Variants in KIRREL3 observed in about 807,000 individuals in gnomAD.
KIRREL3 encodes the protein kirre like nephrin family adhesion molecule 3.
In KIRREL3, 36 loss-of-function variants were observed where a neutral mutation model predicts 89.7. The ratio of observed to expected loss-of-function variants is 0.40; its 90% CI spans 0.31 to 0.53. The LOEUF (loss-of-function observed/expected upper bound fraction) is 0.53, where lower values mean the gene tolerates loss of function less well. Among genes scored for constraint, KIRREL3 ranks in the 20% least tolerant of loss-of-function variants. The pLI is 0.49. For synonymous variants in KIRREL3, 445 were observed against 441.4 expected, an observed-to-expected ratio of 1.01 and a Z score of -0.10; for missense variants, 864 against 1,056.6, an observed-to-expected ratio of 0.82 and a Z score of 2.53.
intron 1 of KIRREL3, among the ~76,000 whole-genome samples, chr11:126,885,513 G>A (rs1056370024): frequency 7.2e-5 from 11 of 152,250 alleles, no homozygotes; most frequent in Admixed American, 4.6e-4. Flanking sequence ...TTTAATTTTC[G>A]TTTGCATTGT....
At position 126,530,533 on chromosome 11, in the gene KIRREL3, C is replaced by T. The variant is rs765806103; in HGVS notation, c.134-3846G>A. ...CTGTTTCTTCCACACACACACTGAC[C>T]GGACCCTGCTGTGAGGCAGGCACTG... On this transcript the variant is annotated intron_variant, in intron 2 of 16. Coordinates refer to ENST00000525144, the MANE Select transcript of KIRREL3 (RefSeq NM_032531.4). The surrounding 1 kb of genome is among the most constrained non-coding windows in gnomAD (Gnocchi z 5.8). 1.4e-4 allele frequency among the ~76,000 whole-genome samples: 21 copies of T among 152,294 alleles called. No individual in the cohort carries two copies. The highest frequency in any genetic ancestry group is 3.3e-4 in the Admixed American group (5 of 15,304).
Position 126,953,286 on chromosome 11 carries a change from G to T in KIRREL3, c.55+47169C>A, listed in dbSNP as rs186168202. Reference sequence around the variant, plus strand: ...CTCATAAGTGGGTGTCGAACAATGAGAACACATGGACACAGGGAGGGGACA... The same window carrying T: ...CTCATAAGTGGGTGTCGAACAATGATAACACATGGACACAGGGAGGGGACA... On this transcript the variant is annotated intron_variant, in intron 1 of 16. Coordinates refer to ENST00000525144, the MANE Select transcript of KIRREL3 (RefSeq NM_032531.4). This position sits in a 1 kb window ranked among gnomAD's most constrained non-coding sequence, Gnocchi z 5.2. 6.7e-6 allele frequency among the ~76,000 whole-genome samples: 1 copy of T among 149,972 alleles called. No homozygotes were observed. The highest frequency in any genetic ancestry group is 2.5e-5 in the African/African-American group (1 of 40,714).
intron 4 of KIRREL3, among the ~76,000 whole-genome samples, chr11:126,510,010 A>AAAAAAAAAAGAAAAAAGAAAAAAAG (rs1958158656): frequency 6.7e-6 from 1 of 149,654 alleles, no homozygotes; most frequent in African/African-American, 2.5e-5. Context: ...AAAAAAAAAA[A>AAAAAAAAAAGAAAAAAGAAAAAAAG]AAAAAAAAGA....
Position 126,821,351 on chromosome 11 carries a change from A to ATATATATATATATATATATATGTG in KIRREL3, c.55+179103_55+179104insCACATATATATATATATATATATA, listed in dbSNP as rs756545626. Among the ~76,000 whole-genome samples the ATATATATATATATATATATATGTG allele has an allele frequency of 8.6e-4, 90 of 105,188 alleles. 6 individuals are homozygous for ATATATATATATATATATATATGTG. The highest frequency in any genetic ancestry group is 1.5e-3 in the African/African-American group (35 of 23,012). The allele number at this position is 105,188 out of a possible 152,430, so 69.0% of individuals were successfully genotyped here. A position where few individuals can be genotyped will look rare whatever the true frequency, so the allele number is the denominator to read the frequency against. On this transcript the variant is annotated intron_variant, in intron 1 of 16. Transcript: ENST00000525144. Reference sequence around the variant, plus strand: ...ACAGTATATATATATATATATATATATGTAACTTCCAACCAACATCCCTTC... The same window carrying ATATATATATATATATATATATGTG: ...ACAGTATATATATATATATATATATATATATATATATATATATATATGTGTGTAACTTCCAACCAACATCCCTTC...
At chr11:126,880,653 G>A (rs200206133) in intron 1 of KIRREL3, among the ~76,000 whole-genome samples, 1 of 86,600 alleles carries the variant, frequency 1.2e-5, no homozygotes, top group African/African-American at 3.9e-5. Flanking sequence ...TTTTTTTTTT[G>A]ATAGCTCAGC....
rs114474344 is a variant in KIRREL3, at chr11:126,773,305, C to T, written c.56-210393G>A. ...TCAATACAGTGTGGGTCGGCTTTGT[C>T]CCATCAGTTCAGGGCCAGAGTAGAA... On this transcript the variant is annotated intron_variant, in intron 1 of 16. Coordinates refer to ENST00000525144, the MANE Select transcript of KIRREL3 (RefSeq NM_032531.4). The surrounding 1 kb of genome is among the most constrained non-coding windows in gnomAD (Gnocchi z 4.2). Among the ~76,000 whole-genome samples, 143 of 152,220 alleles carry T rather than the reference C, an allele frequency of 9.4e-4. 1 individual carries two copies. Among genetic ancestry groups the T allele is most frequent in the African/African-American group, 3.3e-3 (136 of 41,542 alleles).
chr11:126,496,293 G>A lies in KIRREL3; in HGVS notation c.434-22827C>T, dbSNP rs1957653577. 6.6e-6 allele frequency among the ~76,000 whole-genome samples: 1 copy of A among 152,156 alleles called. No individual in the cohort carries two copies. Among genetic ancestry groups the A allele is most frequent in the African/African-American group, 2.4e-5 (1 of 41,434 alleles). ...TGTTTGCAAAATGCTTTCTATACAC[G>A]TTCATCTTTCTCTTTACCAGAACCC... On this transcript the variant is annotated intron_variant, in intron 4 of 16. Transcript: ENST00000525144. The surrounding 1 kb of genome is among the most constrained non-coding windows in gnomAD (Gnocchi z 4.9).
At chr11:126,968,438 T>C (rs1298811130) in intron 1 of KIRREL3, among the ~76,000 whole-genome samples, 1 of 152,190 alleles carries the variant, frequency 6.6e-6, no homozygotes, top group Non-Finnish European at 1.5e-5. Flanking sequence ...TTTGGATTTT[T>C]TACAGAGATG....
rs1487856260 is a variant in KIRREL3 at position 126,805,971 on chromosome 11, T to A, written c.55+194484A>T. Among the ~76,000 whole-genome samples the A allele has an allele frequency of 6.6e-6, 1 of 151,992 alleles. No individual in the cohort carries two copies. The highest frequency in any genetic ancestry group is 1.9e-4 in the East Asian group (1 of 5,182). On this transcript the variant is annotated intron_variant, in intron 1 of 16. Coordinates refer to ENST00000525144, the MANE Select transcript of KIRREL3 (RefSeq NM_032531.4). The surrounding 1 kb of genome is among the most constrained non-coding windows in gnomAD (Gnocchi z 4.3). Reference sequence around the variant, plus strand: ...TGAATGTGCCTGTGCCCCCAAATCCTCCCTTCAATGACATCAACAAATTTA... The same window carrying A: ...TGAATGTGCCTGTGCCCCCAAATCCACCCTTCAATGACATCAACAAATTTA...
intron 1 of KIRREL3, among the ~76,000 whole-genome samples, chr11:126,728,971 C>T (rs528331377): frequency 3.3e-5 from 5 of 152,314 alleles, no homozygotes; most frequent in African/African-American, 1.2e-4. Flanking sequence ...AATGGCTGGG[C>T]AGTGGGCTGT....
rs1955059282 is a variant in KIRREL3 at position 126,429,690 on chromosome 11, T to C, written c.1697-402A>G. On this transcript the variant is annotated intron_variant, in intron 14 of 16. Coordinates refer to ENST00000525144, the MANE Select transcript of KIRREL3 (RefSeq NM_032531.4). The surrounding 1 kb of genome is among the most constrained non-coding windows in gnomAD (Gnocchi z 5.2). Reference sequence around the variant, plus strand: ...CCATTCATAGAACCATAAATCTCAGTGTTGGAAAGGACCTCAAAGTGCCCA... The same window carrying C: ...CCATTCATAGAACCATAAATCTCAGCGTTGGAAAGGACCTCAAAGTGCCCA... 6.6e-6 allele frequency among the ~76,000 whole-genome samples: 1 copy of C among 152,198 alleles called. No individual in the cohort carries two copies. The highest frequency in any genetic ancestry group is 2.4e-5 in the African/African-American group (1 of 41,446).
chr11:126,440,617 G>T, intron 10 of KIRREL3, 68 bp from the exon 11 acceptor site: 1 of 1,353,654 alleles, frequency 7.4e-7, no homozygotes, highest in Non-Finnish European at 1.0e-6. Context: ...CTCTTGGGTG[G>T]GTTCAGAAGT....
rs1949744963 is a variant in KIRREL3, at chr11:126,764,081, G to A, written c.56-201169C>T. ...GATATTTCAGAAGCTCTAATTAAGT[G>A]GAAGATTATGCATGCCATTTGAGTT... On this transcript the variant is annotated intron_variant, in intron 1 of 16. Transcript: ENST00000525144. The surrounding 1 kb of genome is among the most constrained non-coding windows in gnomAD (Gnocchi z 4.2). Among the ~76,000 whole-genome samples the A allele has an allele frequency of 6.6e-6, 1 of 152,092 alleles. No individual in the cohort carries two copies. The highest frequency in any genetic ancestry group is 1.5e-5 in the Non-Finnish European group (1 of 68,030).
chr11:126,690,448 G>C (rs1318474873), intron 1 of KIRREL3, among the ~76,000 whole-genome samples: 1 of 152,036 alleles, frequency 6.6e-6, no homozygotes, highest in East Asian at 1.9e-4. Context: ...ATAATGATGG[G>C]AAGTCACCTC....
rs1219682530 is a variant in KIRREL3 at position 126,495,265 on chromosome 11, G to A, written c.434-21799C>T. 1.3e-5 allele frequency among the ~76,000 whole-genome samples: 2 copies of A among 152,162 alleles called. No homozygotes were observed. The highest frequency in any genetic ancestry group is 2.4e-5 in the African/African-American group (1 of 41,418). On this transcript the variant is annotated intron_variant, in intron 4 of 16. Transcript: ENST00000525144. This position sits in a 1 kb window ranked among gnomAD's most constrained non-coding sequence, Gnocchi z 6.5. Reference sequence around the variant, plus strand: ...TCCCAGTGGCTTTCCCTTGTTTGCAGAGTGCAGTGTGACCCATCAGCTTGA... The same window carrying A: ...TCCCAGTGGCTTTCCCTTGTTTGCAAAGTGCAGTGTGACCCATCAGCTTGA...
At position 126,471,326 on chromosome 11, in the gene KIRREL3, C is replaced by G. The variant is rs914603644; in HGVS notation, c.591+1983G>C. Reference sequence around the variant, plus strand: ...TGGAGGTTGCGGTGAGCTGAGATCACGCCATTGCACTCCAGTCTGGGCAAC... The same window carrying G: ...TGGAGGTTGCGGTGAGCTGAGATCAGGCCATTGCACTCCAGTCTGGGCAAC... On this transcript the variant is annotated intron_variant, in intron 5 of 16. Coordinates refer to ENST00000525144, the MANE Select transcript of KIRREL3 (RefSeq NM_032531.4). The surrounding 1 kb of genome is among the most constrained non-coding windows in gnomAD (Gnocchi z 5.4). Among the ~76,000 whole-genome samples, 2 of 151,522 alleles carry G rather than the reference C, an allele frequency of 1.3e-5. No homozygotes were observed. Among genetic ancestry groups the G allele is most frequent in the Non-Finnish European group, 2.9e-5 (2 of 67,958 alleles).
chr11:126,435,406 T>G, intron 12 of KIRREL3, 103 bp from the exon 13 acceptor site: 3 of 1,145,620 alleles, frequency 2.6e-6, no homozygotes, highest in Non-Finnish European at 3.9e-6. Flanking sequence ...AGGGGCTCCT[T>G]TCCCAGTCAT....
In KIRREL3 at chr11:126,628,538, G is replaced by T. The variant is rs1943887805; in HGVS notation, c.56-65626C>A. Among the ~76,000 whole-genome samples, 1 of 152,158 alleles carries T rather than the reference G, an allele frequency of 6.6e-6. No homozygotes were observed. Among genetic ancestry groups the T allele is most frequent in the Non-Finnish European group, 1.5e-5 (1 of 68,028 alleles). ...TCTCCTAGCTCTCAAAACAATGGTG[G>T]GTGATTTCATAGTTTCTTTCAGCAA... is the stretch of plus-strand genomic sequence containing the variant. On this transcript the variant is annotated intron_variant, in intron 1 of 16. Coordinates refer to ENST00000525144, the MANE Select transcript of KIRREL3 (RefSeq NM_032531.4). This position sits in a 1 kb window ranked among gnomAD's most constrained non-coding sequence, Gnocchi z 5.2.
rs1957649612 is a variant in KIRREL3 at position 126,496,127 on chromosome 11, A to G, written c.434-22661T>C. ...TTGACCTGCAGAAACTGTGAGAGCT[A>G]AGAAATGATTCCTGTAATTTTAAGC... On this transcript the variant is annotated intron_variant, in intron 4 of 16. Transcript: ENST00000525144. This position sits in a 1 kb window ranked among gnomAD's most constrained non-coding sequence, Gnocchi z 4.9. Among the ~76,000 whole-genome samples the G allele has an allele frequency of 2.0e-5, 3 of 152,244 alleles. 1 individual carries two copies. The South Asian group carries it at 6.2e-4, about 31-fold the overall frequency.
Sources: gnomAD v4.1 joint callset for allele counts (sites outside exome capture counted in the v4.1 genomes callset) on GRCh38, gnomAD v4.1.1 for gene constraint, Gnocchi (gnomAD v3.1) non-coding constraint, MANE v1.5 for transcripts, NCBI Gene and HGNC (gene_info 2026-07-23, HGNC 2026-07-21) for gene names.